MACROD2: variants seen among roughly 807,000 people sequenced by gnomAD.
MACROD2 encodes the protein mono-ADP ribosylhydrolase 2.
A neutral mutation model predicts 70.4 loss-of-function variants in MACROD2; 36 were observed. That is an observed-to-expected ratio of 0.51 (90% CI 0.39 to 0.68). The LOEUF (loss-of-function observed/expected upper bound fraction) is 0.68. Among genes scored for constraint, MACROD2 ranks in the 30% least tolerant of loss-of-function variants. MACROD2 has a pLI of 0.00. For missense variants in MACROD2, 496 were observed against 538.4 expected (o/e 0.92, Z 0.78); for synonymous variants, 172 against 178.8 (o/e 0.96, Z 0.30).
chr20:15,690,524 G>A (rs964088751), intron 8 of MACROD2, among the ~76,000 whole-genome samples: 1 of 152,222 alleles, frequency 6.6e-6, no homozygotes, highest in African/African-American at 2.4e-5. Context: ...GAATGTCGAG[G>A]GACCAGACTG....
At chr20:14,818,793 G>A (rs1434702422) in intron 5 of MACROD2, among the ~76,000 whole-genome samples, 3 of 97,220 alleles carry the variant, frequency 3.1e-5, no homozygotes, top group Admixed American at 1.0e-4. Context: ...TAGTATTACT[G>A]TTTAGAGATT....
intron 8 of MACROD2, among the ~76,000 whole-genome samples, chr20:15,610,278 CT>C (rs1277891317): frequency 2.6e-5 from 4 of 152,298 alleles, no homozygotes; most frequent in Middle Eastern, 3.4e-3. Context: ...AACTGCAAGG[CT>C]TAAAATAACA....
intron 5 of MACROD2, chr20:14,884,683 G>A (rs1270520141): frequency 6.6e-6 from 1 of 152,056 alleles, no homozygotes; most frequent in Non-Finnish European, 1.5e-5. Flanking sequence ...CCTGAAACAT[G>A]AGTTCAGGCC....
chr20:14,461,170 A>G (rs1487033410), intron 3 of MACROD2, among the ~76,000 whole-genome samples: 1 of 152,080 alleles, frequency 6.6e-6, no homozygotes. Flanking sequence ...GTATGTGTCC[A>G]GGAGTTTATC....
intron 5 of MACROD2, among the ~76,000 whole-genome samples, chr20:15,194,730 T>C (rs1159060211): frequency 6.6e-6 from 1 of 152,172 alleles, no homozygotes; most frequent in Non-Finnish European, 1.5e-5. Flanking sequence ...TATCTAACCT[T>C]TAGATCTTAG....
At chr20:14,812,453 G>A (rs143309923) in intron 5 of MACROD2, among the ~76,000 whole-genome samples, 1,884 of 152,042 alleles carry the variant, frequency 0.012, 52 homozygotes, top group African/African-American at 0.043. Flanking sequence ...ATAGCATTAG[G>A]AGAAATACCT....
At chr20:15,197,515 G>C (rs2076616309) in intron 5 of MACROD2, among the ~76,000 whole-genome samples, 1 of 152,138 alleles carries the variant, frequency 6.6e-6, no homozygotes, top group South Asian at 2.1e-4. Flanking sequence ...TAGGGGAACA[G>C]GAATAAGACT....
chr20:15,739,981 A>C lies in MACROD2; in HGVS notation c.646-122764A>C, dbSNP rs540708233. Among the ~76,000 whole-genome samples, 4 of 152,360 alleles carry C rather than the reference A, an allele frequency of 2.6e-5. No individual in the cohort carries two copies. The East Asian group carries it at 7.7e-4, about 29-fold the overall frequency. On this transcript the variant is annotated intron_variant, in intron 8 of 17. Transcript: ENST00000684519. ...AGTTTCTCTATTAGTCAAGATATGC[A>C]AACCACTGTAAACAAATTCCTAATT...
rs1473494355 is a variant in MACROD2 at position 14,540,214 on chromosome 20, T to C, written c.301+46706T>C. On this transcript the variant is annotated intron_variant, in intron 4 of 17. Transcript: ENST00000684519. ...CATCTTTATGTTGCCCTTGTTTGCA[T>C]TCAGGATGTTTCCAAGTTTATCATG... Among the ~76,000 whole-genome samples the C allele has an allele frequency of 2.0e-5, 3 of 152,302 alleles. No homozygotes were observed. In the East Asian group the frequency reaches 5.8e-4, roughly 29 times the overall value.
intron 5 of MACROD2, among the ~76,000 whole-genome samples, chr20:15,194,175 G>C (rs897400000): frequency 7.2e-6 from 1 of 139,818 alleles, no homozygotes; most frequent in Non-Finnish European, 1.5e-5. Flanking sequence ...GAACCCAGGA[G>C]GCAGAGGTTA....
chr20:15,594,078 A>G (rs2048713851), intron 8 of MACROD2, among the ~76,000 whole-genome samples: 1 of 152,200 alleles, frequency 6.6e-6, no homozygotes, highest in African/African-American at 2.4e-5. Flanking sequence ...AGATTTCAGC[A>G]TGGTGGTTTG....
intron 4 of MACROD2, among the ~76,000 whole-genome samples, chr20:14,665,822 A>C (rs1273698886): frequency 6.6e-6 from 1 of 152,044 alleles, no homozygotes; most frequent in African/African-American, 2.4e-5. Context: ...CTTCCCATTC[A>C]AAACATGTCC....
At chr20:14,230,839 C>G (rs4813154) in intron 3 of MACROD2, among the ~76,000 whole-genome samples, 146,326 of 150,990 alleles carry the variant, frequency 0.97, 70,921 homozygotes, top group Admixed American at 0.99. Context: ...GTATTTCTTA[C>G]AAGAAGGCTT....
intron 4 of MACROD2, among the ~76,000 whole-genome samples, chr20:14,672,474 C>A (rs1239288771): frequency 1.3e-5 from 2 of 152,154 alleles, no homozygotes; most frequent in African/African-American, 2.4e-5. Flanking sequence ...GGTAGGGAAA[C>A]AGATTGTATC....
chr20:15,675,320 G>T (rs192484680), intron 8 of MACROD2, among the ~76,000 whole-genome samples: 2 of 152,076 alleles, frequency 1.3e-5, no homozygotes, highest in African/African-American at 4.8e-5. Flanking sequence ...AGCCAGCTGC[G>T]CATCATAAAT....
intron 5 of MACROD2, among the ~76,000 whole-genome samples, chr20:15,040,599 G>A (rs1349655979): frequency 6.6e-6 from 1 of 152,170 alleles, no homozygotes; most frequent in African/African-American, 2.4e-5. Flanking sequence ...TCATTCCCTT[G>A]TATGGATTGC....
chr20:15,209,375 C>G (rs1366556518), intron 5 of MACROD2, among the ~76,000 whole-genome samples: 2 of 151,908 alleles, frequency 1.3e-5, no homozygotes, highest in Admixed American at 6.6e-5. Flanking sequence ...CTGTTCAATC[C>G]TAGTCCAGAG....
At chr20:16,012,312 G>A (rs752852687) in intron 15 of MACROD2, among the ~76,000 whole-genome samples, 1 of 152,116 alleles carries the variant, frequency 6.6e-6, no homozygotes, top group Non-Finnish European at 1.5e-5. Context: ...CTTTCCATTT[G>A]CTTTTCCTTT....
chr20:15,146,663 T>C (rs2076232469), intron 5 of MACROD2, among the ~76,000 whole-genome samples: 1 of 152,188 alleles, frequency 6.6e-6, no homozygotes, highest in African/African-American at 2.4e-5. Context: ...TCCATCTCTT[T>C]TCCTGACTCC....
Sources: gnomAD v4.1 joint callset for allele counts (sites outside exome capture counted in the v4.1 genomes callset) on GRCh38, gnomAD v4.1.1 for gene constraint, MANE v1.5 for transcripts, NCBI Gene and HGNC (gene_info 2026-07-23, HGNC 2026-07-21) for gene names.